STPG1: variants seen among roughly 807,000 people sequenced by gnomAD.
The protein encoded by STPG1 is O(6)-methylguanine-induced apoptosis 2.
STPG1 carries 33 observed loss-of-function variants against 40.1 expected under a neutral mutation model. The observed-to-expected ratio is 0.82, with a 90% CI of 0.62 to 1.10. The LOEUF (loss-of-function observed/expected upper bound fraction) is 1.10, where lower values mean the gene tolerates loss of function less well. Among genes scored for constraint, STPG1 ranks in the 50% least tolerant of loss-of-function variants. The probability of loss-of-function intolerance (pLI) is 0.00; values close to 1 mark genes in which losing one functional copy is unlikely to be tolerated. For missense variants in STPG1, 396 were observed against 415.1 expected (o/e 0.95, Z 0.40); for synonymous variants, 150 against 155.0 (o/e 0.97, Z 0.24).
intron 3 of STPG1, chr1:24,391,259 A>G (rs1642759185): frequency 5.2e-6 from 1 of 194,088 alleles, no homozygotes; most frequent in African/African-American, 2.3e-5. Context: ...GAATTTTTGC[A>G]ATTTTTTAGC....
At chr1:24,411,640 C>T (rs1417101764) in intron 1 of STPG1, 1 of 151,886 alleles carries the variant, frequency 6.6e-6, no homozygotes, top group Non-Finnish European at 1.5e-5. Flanking sequence ...CAATGTCTCA[C>T]CTATGCTGCC....
rs765323138 is a variant in STPG1, at chr1:24,399,909, C to T, written c.70+1410G>A. On this transcript the variant is annotated intron_variant, in intron 2 of 8. Coordinates refer to ENST00000337248, the MANE Select transcript of STPG1 (RefSeq NM_001199013.2). This position sits in a 1 kb window ranked among gnomAD's most constrained non-coding sequence, Gnocchi z 4.0. Reference sequence around the variant, plus strand: ...GAGGATTTGGAGCAGCTGGAATTCACATACATTGCTTGTAAGGAGGTAAAA... The same window carrying T: ...GAGGATTTGGAGCAGCTGGAATTCATATACATTGCTTGTAAGGAGGTAAAA... 2.5e-4 allele frequency among the ~76,000 whole-genome samples: 38 copies of T among 152,194 alleles called. No homozygotes were observed. The highest frequency in any genetic ancestry group is 2.9e-4 in the Non-Finnish European group (20 of 68,028).
chr1:24,365,612 C>T (rs1641405284), intron 7 of STPG1, among the ~76,000 whole-genome samples: 1 of 152,214 alleles, frequency 6.6e-6, no homozygotes, highest in South Asian at 2.1e-4. Flanking sequence ...AACAGCCAGC[C>T]CCAAGCACAG....
chr1:24,393,739 G>GA (rs200491612), intron 2 of STPG1, among the ~76,000 whole-genome samples: 4,018 of 151,094 alleles, frequency 0.027, 68 homozygotes, highest in Non-Finnish European at 0.028. Context: ...CTCCCAGCTG[G>GA]AAAAAAAAAG....
chr1:24,363,393 G>C (rs1055821762), intron 7 of STPG1, among the ~76,000 whole-genome samples: 1 of 152,152 alleles, frequency 6.6e-6, no homozygotes, highest in African/African-American at 2.4e-5. Flanking sequence ...ACTAAGACAC[G>C]GACTTGAGTG....
rs1640829057 is a variant in STPG1, at chr1:24,357,941, A to G, written c.*602T>C. 1.8e-5 allele frequency: 6 copies of G among 333,954 alleles called. No homozygotes were observed. Among genetic ancestry groups the G allele is most frequent in the South Asian group, 1.2e-4 (5 of 41,090 alleles). 20.7% of individuals were successfully genotyped at this position (333,954 alleles called of 1,614,324 possible). A position where few individuals can be genotyped will look rare whatever the true frequency, so the allele number is the denominator to read the frequency against. On this transcript the variant is annotated 3_prime_UTR_variant, in exon 9 of 9. Coordinates refer to ENST00000337248, the MANE Select transcript of STPG1 (RefSeq NM_001199013.2). Reference sequence around the variant, plus strand: ...CCCACTCCAAAGAGAAAAAGGTCTAAAAGGAGTAAAGAGAGGTCTTTCCAA... The same window carrying G: ...CCCACTCCAAAGAGAAAAAGGTCTAGAAGGAGTAAAGAGAGGTCTTTCCAA...
chr1:24,402,147 G>A lies in STPG1; in HGVS notation c.-68-691C>T, dbSNP rs551641085. 3.9e-5 allele frequency among the ~76,000 whole-genome samples: 6 copies of A among 152,318 alleles called. No individual in the cohort carries two copies. The South Asian group carries it at 1.0e-3, about 26-fold the overall frequency. ...TATCTATGATGCTGAGAAGCTCCCT[G>A]TGTCCCTTTGCAGTCAGCACCCTCC... On this transcript the variant is annotated intron_variant, in intron 1 of 8. Coordinates refer to ENST00000337248, the MANE Select transcript of STPG1 (RefSeq NM_001199013.2).
chr1:24,361,040 T>C lies in STPG1; in HGVS notation c.739A>G (p.Lys247Glu). The change falls in exon 8 of 9, where the codon AAA becomes GAA. Residue 247 changes from lysine to glutamate, a missense_variant and splice_region_variant. Coordinates refer to ENST00000337248, the MANE Select transcript of STPG1 (RefSeq NM_001199013.2). ...GCAGAGAAGTTCAGGATGGGGTTTT[T>C]CCTTTGGGAAAGATAAAACGGGAAG... ...TKVPKKTLFP[K>E]NPILNFSAQP... The C allele has an allele frequency of 6.2e-7, 1 of 1,603,394 alleles. No homozygotes were observed. The highest frequency in any genetic ancestry group is 1.7e-4 in the Middle Eastern group (1 of 5,998).
At chr1:24,411,893 T>A (rs1193239048) in intron 1 of STPG1, 2 of 152,360 alleles carry the variant, frequency 1.3e-5, no homozygotes, top group South Asian at 4.1e-4. Flanking sequence ...TGGGGGAAGT[T>A]CACTGTTGGA....
chr1:24,391,746 C>A (rs1057196266), intron 2 of STPG1, 67 bp from the exon 3 acceptor site: 1 of 1,313,154 alleles, frequency 7.6e-7, no homozygotes. Flanking sequence ...GTGGAAAACA[C>A]AAAGGTGTAT....
chr1:24,383,872 A>T lies in STPG1; in HGVS notation c.291+30T>A. 5 of 1,359,838 alleles carry T rather than the reference A, an allele frequency of 3.7e-6. No individual in the cohort carries two copies. In the South Asian group the frequency reaches 4.6e-5, roughly 13 times the overall value. 84.2% of individuals were successfully genotyped at this position (1,359,838 alleles called of 1,614,324 possible). A position where few individuals can be genotyped will look rare whatever the true frequency, so the allele number is the denominator to read the frequency against. ...GAATGAAGGAAATTACTGACCAGTT[A>T]ATGCTTTACTCAAGAGAAGTGGTTC... On this transcript the variant is annotated intron_variant, in intron 4 of 8. Transcript: ENST00000337248.
intron 6 of STPG1, among the ~76,000 whole-genome samples, chr1:24,373,415 G>C (rs376437170): frequency 6.6e-6 from 1 of 152,192 alleles, no homozygotes; most frequent in African/African-American, 2.4e-5. Flanking sequence ...TTTCTGAGGT[G>C]AGAAGCCACT....
chr1:24,388,850 C>T (rs1356382024), intron 3 of STPG1, among the ~76,000 whole-genome samples: 2 of 152,150 alleles, frequency 1.3e-5, no homozygotes, highest in Non-Finnish European at 2.9e-5. Flanking sequence ...GTTTTTATAA[C>T]TTGAGGAGAC....
At chr1:24,371,932 C>T (rs1225550853) in intron 6 of STPG1, among the ~76,000 whole-genome samples, 2 of 152,128 alleles carry the variant, frequency 1.3e-5, no homozygotes, top group Admixed American at 1.3e-4. Context: ...AATCCCAGCA[C>T]TTTGGGAGGC....
chr1:24,411,479 G>A (rs1013982284), intron 1 of STPG1, among the ~76,000 whole-genome samples: 2 of 152,046 alleles, frequency 1.3e-5, no homozygotes, highest in Admixed American at 6.6e-5. Flanking sequence ...TTGCTGTGTC[G>A]TCCACTTGCT....
chr1:24,385,122 T>C (rs571158403), intron 3 of STPG1, among the ~76,000 whole-genome samples: 9 of 152,224 alleles, frequency 5.9e-5, no homozygotes, highest in Non-Finnish European at 1.3e-4. Flanking sequence ...CCATCCCTAC[T>C]GCCTTCCTTA....
chr1:24,360,778 A>G, intron 8 of STPG1, 73 bp downstream of exon 8: 1 of 1,379,448 alleles, frequency 7.2e-7, no homozygotes. Context: ...AATCAATGGC[A>G]TTTGATGACC....
chr1:24,408,728 T>C (rs1643503409), intron 1 of STPG1, among the ~76,000 whole-genome samples: 1 of 152,228 alleles, frequency 6.6e-6, no homozygotes, highest in African/African-American at 2.4e-5. Flanking sequence ...TTAATTTCCA[T>C]AGCAATTATT....
chr1:24,373,944 G>T, intron 5 of STPG1, 134 bp from the exon 6 acceptor site: 1 of 657,942 alleles, frequency 1.5e-6, no homozygotes, highest in Non-Finnish European at 2.8e-6. Context: ...ATGAACAGAT[G>T]TGAGCTGTAA....
Sources: allele counts gnomAD v4.1 joint callset (sites outside exome capture counted in the v4.1 genomes callset), GRCh38; gene constraint gnomAD v4.1.1; non-coding constraint Gnocchi (gnomAD v3.1); transcripts MANE v1.5; gene names NCBI Gene and HGNC (gene_info 2026-07-23, HGNC 2026-07-21).